The following NELL1 variants were observed in gnomAD, a reference collection of about 807,000 sequenced individuals.
NELL1 encodes the protein neural EGFL like 1, also known as protein kinase C-binding protein NELL1.
A neutral mutation model predicts 107.4 loss-of-function variants in NELL1; 76 were observed. The ratio of observed to expected loss-of-function variants is 0.71; its 90% CI spans 0.59 to 0.86. NELL1 has a LOEUF of 0.86. Among genes scored for constraint, NELL1 ranks in the 40% least tolerant of loss-of-function variants. The pLI is 0.00. For missense variants in NELL1, 1,024 were observed against 1,005.5 expected (o/e 1.02, Z -0.25); for synonymous variants, 353 against 341.2 (o/e 1.03, Z -0.38).
At chr11:21,379,273 G>T (rs1014732994) in intron 15 of NELL1, among the ~76,000 whole-genome samples, 1 of 151,994 alleles carries the variant, frequency 6.6e-6, no homozygotes, top group South Asian at 2.1e-4. Flanking sequence ...TTGTAGGCTA[G>T]AACACAGTCT....
At chr11:20,742,380 T>G (rs1208080138) in intron 2 of NELL1, among the ~76,000 whole-genome samples, 1 of 152,156 alleles carries the variant, frequency 6.6e-6, no homozygotes, top group African/African-American at 2.4e-5. Flanking sequence ...ATAATGCCTT[T>G]CCTCGAGACT....
intron 13 of NELL1, among the ~76,000 whole-genome samples, chr11:21,158,833 A>AT (rs760682967): frequency 1.5e-4 from 23 of 151,216 alleles, no homozygotes; most frequent in Non-Finnish European, 3.2e-4. Flanking sequence ...CCTTTCTGTT[A>AT]TTTTTTTTCT....
At chr11:20,839,376 A>G (rs1848584431) in intron 3 of NELL1, among the ~76,000 whole-genome samples, 1 of 152,214 alleles carries the variant, frequency 6.6e-6, no homozygotes, top group Non-Finnish European at 1.5e-5. Context: ...CTAATATGTA[A>G]CTTTACAACT....
intron 12 of NELL1, among the ~76,000 whole-genome samples, chr11:21,060,569 T>C (rs114230410): frequency 0.011 from 1,725 of 152,304 alleles, 29 homozygotes; most frequent in African/African-American, 0.037. Context: ...TTCCATTATG[T>C]AGCAAATAAT....
intron 5 of NELL1, among the ~76,000 whole-genome samples, chr11:20,889,116 G>A (rs983693763): frequency 1.3e-5 from 2 of 152,114 alleles, no homozygotes; most frequent in African/African-American, 4.8e-5. Context: ...GATGCAAGGA[G>A]GGAAGAATTT....
At chr11:21,333,344 T>A (rs901914637) in intron 14 of NELL1, among the ~76,000 whole-genome samples, 1 of 152,034 alleles carries the variant, frequency 6.6e-6, no homozygotes, top group African/African-American at 2.4e-5. Context: ...TAAGGTGAAA[T>A]CAGACAATGT....
At chr11:21,276,848 T>C (rs967880353) in intron 14 of NELL1, among the ~76,000 whole-genome samples, 2 of 152,156 alleles carry the variant, frequency 1.3e-5, no homozygotes, top group Admixed American at 6.6e-5. Context: ...TAGCCATACG[T>C]AGAAAGCTGA....
At position 21,089,975 on chromosome 11, in the gene NELL1, G is replaced by A. The variant is rs570354021; in HGVS notation, c.1301-23614G>A. ...TATTTGAAAGTGAGGGTCTGCCATG[G>A]CAGGCAGTTTCTCAGTGATTTCTTA... On this transcript the variant is annotated intron_variant, in intron 12 of 19. Coordinates refer to ENST00000357134, the MANE Select transcript of NELL1 (RefSeq NM_006157.5). 6.6e-5 allele frequency among the ~76,000 whole-genome samples: 10 copies of A among 152,300 alleles called. No homozygotes were observed. In the East Asian group the frequency reaches 7.7e-4, roughly 12 times the overall value.
Position 20,919,414 on chromosome 11 carries a change from A to C in NELL1, c.759+80A>C, listed in dbSNP as rs77057490. 3,231 of 862,198 alleles carry C rather than the reference A, an allele frequency of 3.7e-3. 37 individuals carry two copies. Among genetic ancestry groups the C allele is most frequent in the East Asian group, 0.03 (1,172 of 39,282 alleles). 53.4% of individuals were successfully genotyped at this position (862,198 alleles called of 1,614,324 possible). On this transcript the variant is annotated intron_variant, in intron 7 of 19. Transcript: ENST00000357134. ...AATTTGGAGTGATATGTTATAATGG[A>C]AACATTTTTAGCCTCGGCATCTGCT... is the stretch of plus-strand genomic sequence containing the variant.
chr11:21,037,101 T>C (rs1024014871), intron 12 of NELL1, among the ~76,000 whole-genome samples: 1 of 152,076 alleles, frequency 6.6e-6, no homozygotes, highest in Non-Finnish European at 1.5e-5. Flanking sequence ...TACTGTTTAA[T>C]AGAAATTTCC....
intron 12 of NELL1, among the ~76,000 whole-genome samples, chr11:20,964,673 A>G (rs988633403): frequency 1.3e-5 from 2 of 152,182 alleles, no homozygotes; most frequent in African/African-American, 4.8e-5. Flanking sequence ...CACTGTTCCA[A>G]TACTGTGCTA....
chr11:21,239,587 T>A (rs921889392), intron 14 of NELL1, among the ~76,000 whole-genome samples: 2 of 152,050 alleles, frequency 1.3e-5, no homozygotes, highest in Non-Finnish European at 2.9e-5. Flanking sequence ...CATTTAAGTT[T>A]TAGCCATAAA....
intron 12 of NELL1, among the ~76,000 whole-genome samples, chr11:21,053,385 C>A (rs1372055434): frequency 1.3e-5 from 2 of 152,050 alleles, no homozygotes; most frequent in African/African-American, 4.8e-5. Flanking sequence ...GTTTTCTGTT[C>A]TTGTGTTAGT....
At chr11:21,014,934 C>T (rs1041933831) in intron 12 of NELL1, among the ~76,000 whole-genome samples, 9 of 152,036 alleles carry the variant, frequency 5.9e-5, no homozygotes, top group African/African-American at 1.2e-4. Flanking sequence ...CTCTTGTTTT[C>T]GTCAGCTGAA....
intron 13 of NELL1, among the ~76,000 whole-genome samples, chr11:21,146,223 G>A (rs1050786312): frequency 1.7e-4 from 26 of 150,774 alleles, no homozygotes; most frequent in African/African-American, 5.4e-4. Flanking sequence ...ATCAGAATCT[G>A]ACAGAAGAAA....
intron 14 of NELL1, among the ~76,000 whole-genome samples, chr11:21,315,900 T>A (rs1026933072): frequency 7.3e-5 from 11 of 151,648 alleles, no homozygotes; most frequent in African/African-American, 2.2e-4. Flanking sequence ...AGTGTGTGTG[T>A]GTGTGTGTGT....
intron 13 of NELL1, among the ~76,000 whole-genome samples, chr11:21,135,077 G>T (rs1855714501): frequency 6.6e-6 from 1 of 151,948 alleles, no homozygotes; most frequent in Non-Finnish European, 1.5e-5. Flanking sequence ...ACTTAATGTT[G>T]AACATGGAAT....
intron 14 of NELL1, among the ~76,000 whole-genome samples, chr11:21,232,136 C>G (rs1225334783): frequency 1.4e-5 from 1 of 74,026 alleles, no homozygotes; most frequent in South Asian, 5.0e-4. Context: ...TCCATCTCTA[C>G]TAAAAAAAAA....
chr11:21,337,823 T>TCTTGCTTG (rs1555006189), intron 14 of NELL1, among the ~76,000 whole-genome samples: 1,002 of 34,628 alleles, frequency 0.029, 31 homozygotes, highest in Admixed American at 0.11. Flanking sequence ...TTTCCTTCTT[T>TCTTGCTTG]CTTTCTTTCT....
Sources: allele counts gnomAD v4.1 joint callset (sites outside exome capture counted in the v4.1 genomes callset), GRCh38; gene constraint gnomAD v4.1.1; transcripts MANE v1.5; gene names NCBI Gene and HGNC (gene_info 2026-07-23, HGNC 2026-07-21).